The following RAB38 variants were observed in gnomAD, a reference collection of about 807,000 sequenced individuals.
RAB38 encodes ras-related protein Rab-38.
A neutral mutation model predicts 18.4 loss-of-function variants in RAB38; 15 were observed. The ratio of observed to expected loss-of-function variants is 0.82; its 90% CI spans 0.55 to 1.26. RAB38 has a LOEUF of 1.26. RAB38 is among the 50% of genes most tolerant of loss of function. The pLI is 0.00. For missense variants in RAB38, 294 were observed against 267.4 expected (o/e 1.10, Z -0.69); for synonymous variants, 101 against 104.4 (o/e 0.97, Z 0.20).
At chr11:88,159,199 CAATAAATA>C (rs58379713) in intron 1 of RAB38, among the ~76,000 whole-genome samples, 195 of 142,350 alleles carry the variant, frequency 1.4e-3, no homozygotes, top group Middle Eastern at 7.1e-3. Flanking sequence ...ACAATAGCAG[CAATAAATA>C]AATAAATAAA....
Position 88,149,810 on chromosome 11 carries a change from A to G in RAB38, c.348T>C (p.Asn116=). 3 of 1,614,118 alleles carry G rather than the reference A, an allele frequency of 1.9e-6. No homozygotes were observed. The highest frequency in any genetic ancestry group is 1.7e-5 in the Admixed American group (1 of 60,012). Residue 116 remains asparagine (N), a synonymous_variant, in exon 2 of 3, where the codon AAT becomes AAC. Transcript: ENST00000243662. ...ACAAAACCACTGAAACCGGTTTGCCATTAGGGAGACTTAACTTGGAGTCCA... is the reference window on the plus strand; with the variant it reads ...ACAAAACCACTGAAACCGGTTTGCCGTTAGGGAGACTTAACTTGGAGTCCA... The part of the protein sequence containing the change: ...NDLDSKLSLP[N]GKPVSVVLLA...
chr11:87,822,439 T>C, the RAB38 span, among the ~76,000 whole-genome samples: 2 of 152,316 alleles, frequency 1.3e-5, no homozygotes, highest in East Asian at 3.9e-4. Context: ...CAGATGGTTC[T>C]TGGTCAGGGT....
At chr11:88,146,736 G>A (rs118063078) in intron 2 of RAB38, among the ~76,000 whole-genome samples, 13 of 152,328 alleles carry the variant, frequency 8.5e-5, no homozygotes, top group East Asian at 1.9e-4. Flanking sequence ...CAGGCAAGCC[G>A]TTTTCGTTAA....
At chr11:88,058,899 A>T in the RAB38 span, among the ~76,000 whole-genome samples, 1 of 152,132 alleles carries the variant, frequency 6.6e-6, no homozygotes, top group African/African-American at 2.4e-5. Flanking sequence ...GTGGCCACTC[A>T]CCTGCAGATT....
the RAB38 span, among the ~76,000 whole-genome samples, chr11:87,907,575 TTTCTG>T: frequency 6.6e-6 from 1 of 151,730 alleles, no homozygotes; most frequent in Non-Finnish European, 1.5e-5. Flanking sequence ...GTTTTTACTT[TTTCTG>T]TTCTTTCTTT....
chr11:88,027,366 T>C, the RAB38 span, among the ~76,000 whole-genome samples: 1 of 152,112 alleles, frequency 6.6e-6, no homozygotes, highest in Non-Finnish European at 1.5e-5. Context: ...TGCCAGACAG[T>C]GGGCGCAGGT....
At chr11:88,124,034 A>C (rs1204482778) in intron 2 of RAB38, among the ~76,000 whole-genome samples, 1 of 152,212 alleles carries the variant, frequency 6.6e-6, no homozygotes. Flanking sequence ...AGATAGCATA[A>C]ATGAAACTAT....
At chr11:88,098,508 T>C in the RAB38 span, 3 of 152,030 alleles carry the variant, frequency 2.0e-5, no homozygotes, top group Non-Finnish European at 4.4e-5. Context: ...GTATCTTAGC[T>C]AGTTGCATGA....
At chr11:87,975,254 G>C in the RAB38 span, among the ~76,000 whole-genome samples, 1 of 151,798 alleles carries the variant, frequency 6.6e-6, no homozygotes, top group Non-Finnish European at 1.5e-5. Flanking sequence ...AACTACTCCC[G>C]AAGAAAGTCA....
the RAB38 span, among the ~76,000 whole-genome samples, chr11:87,929,890 G>A: frequency 6.6e-6 from 1 of 152,018 alleles, no homozygotes; most frequent in Non-Finnish European, 1.5e-5. Context: ...CAAAGGACAT[G>A]AACTCATCAT....
the RAB38 span, among the ~76,000 whole-genome samples, chr11:87,886,590 C>G: frequency 6.6e-6 from 1 of 151,942 alleles, no homozygotes; most frequent in Non-Finnish European, 1.5e-5. Flanking sequence ...TATCCTGATT[C>G]TACCCGTGGC....
chr11:88,060,494 G>A, the RAB38 span, among the ~76,000 whole-genome samples: 7 of 152,250 alleles, frequency 4.6e-5, no homozygotes, highest in African/African-American at 7.2e-5. Flanking sequence ...AGGAGGAAGC[G>A]CTGGTAGATA....
chr11:87,864,953 T>C, the RAB38 span, among the ~76,000 whole-genome samples: 2 of 151,830 alleles, frequency 1.3e-5, no homozygotes, highest in Admixed American at 1.3e-4. Context: ...ATTTTCTACC[T>C]TATAATTTGA....
At chr11:88,091,685 A>T in the RAB38 span, among the ~76,000 whole-genome samples, 1 of 151,968 alleles carries the variant, frequency 6.6e-6, no homozygotes, top group Non-Finnish European at 1.5e-5. Flanking sequence ...ATTCCTTTGT[A>T]GTCACCAAAT....
At chr11:88,080,233 CA>C in the RAB38 span, among the ~76,000 whole-genome samples, 3 of 151,326 alleles carry the variant, frequency 2.0e-5, no homozygotes, top group African/African-American at 7.3e-5. Flanking sequence ...CAAAACAAAA[CA>C]AAAAAATTAT....
At chr11:87,878,218 TATATACACAC>T in the RAB38 span, among the ~76,000 whole-genome samples, 6 of 117,002 alleles carry the variant, frequency 5.1e-5, no homozygotes, top group South Asian at 2.6e-4. Flanking sequence ...TATATATATA[TATATACACAC>T]ATATATATAC....
chr11:88,069,233 G>T, the RAB38 span, among the ~76,000 whole-genome samples: 6 of 152,220 alleles, frequency 3.9e-5, no homozygotes, highest in Non-Finnish European at 8.8e-5. Flanking sequence ...CCCCAGCACT[G>T]CCAGCCCACC....
the RAB38 span, among the ~76,000 whole-genome samples, chr11:87,831,553 G>T: frequency 6.6e-6 from 1 of 152,142 alleles, no homozygotes; most frequent in Admixed American, 6.6e-5. Flanking sequence ...CATGAGCAAA[G>T]CCCAAAGGTA....
the RAB38 span, among the ~76,000 whole-genome samples, chr11:88,004,981 A>G: frequency 4.0e-4 from 60 of 151,514 alleles, no homozygotes; most frequent in African/African-American, 1.4e-3. Flanking sequence ...AAATTAAAGT[A>G]TACCTAAATA....
Sources: gnomAD v4.1 joint callset for allele counts (sites outside exome capture counted in the v4.1 genomes callset) on GRCh38, gnomAD v4.1.1 for gene constraint, MANE v1.5 for transcripts, NCBI Gene and HGNC (gene_info 2026-07-23, HGNC 2026-07-21) for gene names.